Variants in TNRC6B observed in about 807,000 individuals in gnomAD.
TNRC6B encodes trinucleotide repeat containing adaptor 6B.
A neutral mutation model predicts 203.6 loss-of-function variants in TNRC6B; 52 were observed. The observed-to-expected ratio is 0.26, with a 90% CI of 0.20 to 0.32. The LOEUF is 0.32. TNRC6B is among the 10% of genes least tolerant of loss of function. TNRC6B has a pLI of 1.00. For missense variants in TNRC6B, 1,923 were observed against 2,286.2 expected (o/e 0.84, Z 3.24); for synonymous variants, 838 against 845.7 (o/e 0.99, Z 0.16).
intron 11 of TNRC6B, among the ~76,000 whole-genome samples, chr22:40,281,535 A>G (rs2070721401): frequency 6.6e-6 from 1 of 151,218 alleles, no homozygotes; most frequent in African/African-American, 2.4e-5. Context: ...ATAAGTTCAT[A>G]TTTAATAAGT....
chr22:40,277,987 T>C lies in TNRC6B; in HGVS notation c.3217-12T>C. On this transcript the variant is annotated splice_polypyrimidine_tract_variant and intron_variant, in intron 8 of 22. Coordinates refer to ENST00000454349, the MANE Select transcript of TNRC6B (RefSeq NM_001162501.2). ...ATCCTTAATTCTCTCTCATCTGTTC[T>C]TTATTTTCCAGAGTCAGACTGAAGA... 1.3e-6 allele frequency: 2 copies of C among 1,550,922 alleles called. No individual in the cohort carries two copies. The highest frequency in any genetic ancestry group is 1.8e-6 in the Non-Finnish European group (2 of 1,142,720).
chr22:40,288,372 TA>T (rs2070816706), intron 12 of TNRC6B, among the ~76,000 whole-genome samples: 1 of 152,174 alleles, frequency 6.6e-6, no homozygotes, highest in African/African-American at 2.4e-5. Flanking sequence ...AATATACTAT[TA>T]AAGATTTTTC....
At chr22:40,143,206 A>C (rs966864091) in intron 3 of TNRC6B, among the ~76,000 whole-genome samples, 4 of 152,070 alleles carry the variant, frequency 2.6e-5, no homozygotes, top group Admixed American at 1.3e-4. Flanking sequence ...GGGGCGGGAG[A>C]ATCACTTGAG....
rs113847197 is a variant in TNRC6B at position 40,223,595 on chromosome 22, A to G, written c.6-22420A>G. 7.9e-4 allele frequency among the ~76,000 whole-genome samples: 121 copies of G among 152,344 alleles called. 1 individual carries two copies. Among genetic ancestry groups the G allele is most frequent in the Admixed American group, 2.3e-3 (35 of 15,306 alleles). ...CTTGAAGACTTATCTTCCTTAGTAC[A>G]AAAAGAACTGCTTGTTATAATTGCA... is the stretch of plus-strand genomic sequence containing the variant. On this transcript the variant is annotated intron_variant, in intron 1 of 22. Coordinates refer to ENST00000454349, the MANE Select transcript of TNRC6B (RefSeq NM_001162501.2).
In TNRC6B at chr22:40,199,371, A is replaced by G. The variant is rs116896379; in HGVS notation, c.5+21231A>G. 4.3e-4 allele frequency among the ~76,000 whole-genome samples: 65 copies of G among 152,282 alleles called. 2 individuals are homozygous for G. The East Asian group carries it at 0.012, about 28-fold the overall frequency. On this transcript the variant is annotated intron_variant, in intron 1 of 22. Transcript: ENST00000454349. ...TGGCAGATGCCACCTTAACCAGGTA[A>G]TCCCAGCAGTGGAACAAATTGAAAT...
Position 40,308,514 on chromosome 22 carries a change from T to C in TNRC6B, c.4123T>C (p.Phe1375Leu). The change falls in exon 16 of 23, where the codon TTC (phenylalanine) becomes CTC (leucine). Residue 1375 changes from phenylalanine (F) to leucine (L), a missense_variant and splice_region_variant. Phe to Leu is a conservative substitution (Grantham distance 22). Transcript: ENST00000454349. ...AAATGTGGTCTTCTCCTTTTTAGGC[T>C]TCAGCTCTGGCGGCATGGACTATGG... The part of the protein sequence containing the change: ...KGPIPGYGSG[F>L]SSGGMDYGMV... 6.2e-7 allele frequency: 1 copy of C among 1,613,954 alleles called. No individual in the cohort carries two copies. The highest frequency in any genetic ancestry group is 8.5e-7 in the Non-Finnish European group (1 of 1,179,862).
At chr22:40,135,684 G>T (rs1281653573) in intron 3 of TNRC6B, among the ~76,000 whole-genome samples, 1 of 151,958 alleles carries the variant, frequency 6.6e-6, no homozygotes, top group Non-Finnish European at 1.5e-5. Context: ...TACTTTTTCT[G>T]TAGAGACTGG....
At chr22:40,071,244 T>TA (rs1378111121) in intron 1 of TNRC6B, among the ~76,000 whole-genome samples, 1 of 152,226 alleles carries the variant, frequency 6.6e-6, no homozygotes, top group African/African-American at 2.4e-5. Flanking sequence ...TGTCCCCTGA[T>TA]ACCTCCACTA....
rs1240182022 is a variant in TNRC6B, at chr22:40,207,415, AAAAATAT to A, written c.5+29277_5+29283del. ...GAGTGAGACCCTGCCTCAAAAAAAAAAAAATATATATATATATATATATATATATGTA... is the reference window on the plus strand; with the variant it reads ...GAGTGAGACCCTGCCTCAAAAAAAAAATATATATATATATATATATATGTA... On this transcript the variant is annotated intron_variant, in intron 1 of 22. Coordinates refer to ENST00000454349, the MANE Select transcript of TNRC6B (RefSeq NM_001162501.2). Among the ~76,000 whole-genome samples, 105 of 113,048 alleles carry A rather than the reference AAAAATAT, an allele frequency of 9.3e-4. 1 individual carries two copies. The highest frequency in any genetic ancestry group is 5.6e-3 in the African/African-American group (99 of 17,816). The allele number at this position is 113,048 out of a possible 152,430, so 74.2% of individuals were successfully genotyped here.
At chr22:40,264,582 G>A (rs2070444325) in intron 4 of TNRC6B, 106 bp from the exon 5 acceptor site, 2 of 1,248,006 alleles carry the variant, frequency 1.6e-6, no homozygotes, top group Middle Eastern at 2.5e-4. Context: ...AAACTGGCAT[G>A]TGATCAGCTC....
At position 40,323,095 on chromosome 22, in the gene TNRC6B, G is replaced by C; in HGVS notation, c.5356G>C (p.Asp1786His). The C allele has an allele frequency of 1.9e-6, 3 of 1,609,538 alleles. No individual in the cohort carries two copies. Among genetic ancestry groups the C allele is most frequent in the Non-Finnish European group, 2.5e-6 (3 of 1,177,768 alleles). Residue 1786 changes from aspartate (D) to histidine (H), a missense_variant, in exon 23 of 23, where the codon GAT becomes CAT. Transcript: ENST00000454349. ...SSSAGGSSGA[D>H]LAGASLWGPP... ...CAGCGCTGGTGGCAGCAGCGGGGCC[G>C]ATCTTGCTGGCGCTTCATTGTGGGG...
intron 15 of TNRC6B, among the ~76,000 whole-genome samples, chr22:40,302,991 TA>T: frequency 6.6e-6 from 1 of 152,036 alleles, no homozygotes; most frequent in East Asian, 1.9e-4. Flanking sequence ...CTCCCTTGAT[TA>T]CTAACAAAGG....
intron 1 of TNRC6B, among the ~76,000 whole-genome samples, chr22:40,232,732 G>T (rs1159985402): frequency 6.6e-6 from 1 of 152,204 alleles, no homozygotes; most frequent in Non-Finnish European, 1.5e-5. Flanking sequence ...AAAATAGCTG[G>T]CTGGGTGCAG....
At chr22:40,088,438 G>C (rs1449481998) in intron 1 of TNRC6B, among the ~76,000 whole-genome samples, 1 of 152,126 alleles carries the variant, frequency 6.6e-6, no homozygotes, top group Non-Finnish European at 1.5e-5. Flanking sequence ...TTGAGACAGA[G>C]TCTCACACTG....
In TNRC6B at chr22:40,270,250, C is replaced by A; in HGVS notation, c.2935C>A (p.Pro979Thr). The A allele has an allele frequency of 6.7e-7, 1 of 1,482,928 alleles. No individual in the cohort carries two copies. Among genetic ancestry groups the A allele is most frequent in the Non-Finnish European group, 9.0e-7 (1 of 1,110,332 alleles). The allele number at this position is 1,482,928 out of a possible 1,614,324, so 91.9% of individuals were successfully genotyped here. Residue 979 changes from proline (P) to threonine (T), a missense_variant, in exon 6 of 23, where the codon CCC becomes ACC. By Grantham distance (38) the Pro-to-Thr change is conservative. Around this residue, in one of 8 missense-constraint regions of TNRC6B, gnomAD observed 599 missense variants for 656.5 expected, o/e 0.91. Coordinates refer to ENST00000454349, the MANE Select transcript of TNRC6B (RefSeq NM_001162501.2). ...ATCGACCACAGGCTGGGGGAACACGCCCGCCAACGCTCCCAATGCCATGAA... is the reference window on the plus strand; with the variant it reads ...ATCGACCACAGGCTGGGGGAACACGACCGCCAACGCTCCCAATGCCATGAA... ...GASTTGWGNTPANAPNAMKPN... is the reference protein window; with the variant it reads ...GASTTGWGNTTANAPNAMKPN...
chr22:40,202,262 T>TTTTGTTTTTTTG (rs1331330850), intron 1 of TNRC6B, among the ~76,000 whole-genome samples: 3 of 115,994 alleles, frequency 2.6e-5, no homozygotes, highest in African/African-American at 2.9e-5. Flanking sequence ...GTTTTTTTGT[T>TTTTGTTTTTTTG]TTTTTTTTTT....
In TNRC6B at chr22:40,331,504, G is replaced by A. The variant is rs542029503; in HGVS notation, c.*8263G>A. 10 of 368,060 alleles carry A rather than the reference G, an allele frequency of 2.7e-5. No homozygotes were observed. The South Asian group carries it at 8.9e-4, about 33-fold the overall frequency. 22.8% of individuals were successfully genotyped at this position (368,060 alleles called of 1,614,324 possible). On this transcript the variant is annotated 3_prime_UTR_variant, in exon 23 of 23. Transcript: ENST00000454349. Reference sequence around the variant, plus strand: ...AAGAGGAGAACAGTCCCTCCCACTCGATTCCTTCAGCTTCATTCAGGAAGA... The same window carrying A: ...AAGAGGAGAACAGTCCCTCCCACTCAATTCCTTCAGCTTCATTCAGGAAGA...
At chr22:40,081,406 A>G (rs1215447974) in intron 1 of TNRC6B, among the ~76,000 whole-genome samples, 2 of 144,414 alleles carry the variant, frequency 1.4e-5, no homozygotes, top group African/African-American at 5.1e-5. Context: ...TCACCTCTGG[A>G]AGAGCCTTCC....
chr22:40,085,993 C>A (rs1035069319), intron 1 of TNRC6B, among the ~76,000 whole-genome samples: 3 of 152,038 alleles, frequency 2.0e-5, no homozygotes, highest in Admixed American at 6.6e-5. Flanking sequence ...ACCTCAGCCC[C>A]TCTAGTAGCT....
Sources: allele counts gnomAD v4.1 joint callset (sites outside exome capture counted in the v4.1 genomes callset), GRCh38; gene constraint gnomAD v4.1.1; regional missense constraint gnomAD v4.1.1; transcripts MANE v1.5; gene names NCBI Gene and HGNC (gene_info 2026-07-23, HGNC 2026-07-21).